The following IDE variants were observed in gnomAD, a reference collection of about 807,000 sequenced individuals.
The protein encoded by IDE is insulin degrading enzyme, also known as insulin-degrading enzyme.
Under a neutral mutation model 133.2 loss-of-function variants are expected in IDE, and 58 were observed. The ratio of observed to expected loss-of-function variants is 0.44; its 90% CI spans 0.35 to 0.54. The LOEUF (loss-of-function observed/expected upper bound fraction) is 0.54, where lower values mean the gene tolerates loss of function less well. Among genes scored for constraint, IDE ranks in the 20% least tolerant of loss-of-function variants. The pLI is 0.00. For missense variants in IDE, 981 were observed against 1,234.0 expected (o/e 0.79, Z 3.07); for synonymous variants, 396 against 421.3 (o/e 0.94, Z 0.73).
At chr10:92,536,611 T>C (rs935362165) in intron 2 of IDE, among the ~76,000 whole-genome samples, 4 of 150,242 alleles carry the variant, frequency 2.7e-5, no homozygotes, top group African/African-American at 7.4e-5. Context: ...GGTAGGAGAA[T>C]TGCTTGAACC....
chr10:92,501,605 G>A (rs1264859749), intron 11 of IDE, among the ~76,000 whole-genome samples: 7 of 151,784 alleles, frequency 4.6e-5, no homozygotes, highest in East Asian at 3.9e-4. Context: ...GGGATGTGGA[G>A]GTTGCAGTGA....
intron 4 of IDE, among the ~76,000 whole-genome samples, chr10:92,529,740 C>G (rs947710732): frequency 1.3e-5 from 2 of 151,956 alleles, no homozygotes; most frequent in African/African-American, 4.8e-5. Context: ...TTGTTTGTGA[C>G]CAGAAGTAAC....
At chr10:92,466,238 A>C (rs1436594468) in intron 19 of IDE, among the ~76,000 whole-genome samples, 2 of 151,294 alleles carry the variant, frequency 1.3e-5, no homozygotes, top group Non-Finnish European at 3.0e-5. Context: ...CTCAAAAAAA[A>C]AAAAAAAAAA....
At chr10:92,556,413 A>C (rs1257902172) in intron 1 of IDE, among the ~76,000 whole-genome samples, 1 of 152,086 alleles carries the variant, frequency 6.6e-6, no homozygotes, top group Admixed American at 6.6e-5. Context: ...ACCTGAGGTC[A>C]GGAGTTCGAG....
At chr10:92,480,421 T>C (rs1419351496) in intron 14 of IDE, 2 of 152,168 alleles carry the variant, frequency 1.3e-5, no homozygotes, top group Non-Finnish European at 2.9e-5. Flanking sequence ...AAATTTGACA[T>C]ATTAGTTGGT....
At chr10:92,564,028 T>C (rs978060029) in intron 1 of IDE, among the ~76,000 whole-genome samples, 7 of 152,166 alleles carry the variant, frequency 4.6e-5, no homozygotes, top group African/African-American at 1.7e-4. Context: ...TTTGTAGTCT[T>C]ATTCTACAAA....
chr10:92,472,503 T>C lies in IDE; in HGVS notation c.2117-2158A>G, dbSNP rs190909863. On this transcript the variant is annotated intron_variant, in intron 17 of 24. Transcript: ENST00000265986. ...AAGTGATTTTTATAATCTAGTCTCC[T>C]ATCCAATGCCTGAGGCAATCAACAA... Among the ~76,000 whole-genome samples the C allele has an allele frequency of 2.0e-5, 3 of 152,348 alleles. No homozygotes were observed. The East Asian group carries it at 5.8e-4, about 29-fold the overall frequency.
intron 13 of IDE, among the ~76,000 whole-genome samples, chr10:92,486,345 T>C (rs1248169147): frequency 6.6e-6 from 1 of 151,962 alleles, no homozygotes; most frequent in Non-Finnish European, 1.5e-5. Flanking sequence ...AACAAGACTC[T>C]GTCTCAAAAA....
intron 1 of IDE, among the ~76,000 whole-genome samples, chr10:92,563,466 A>T (rs1843376614): frequency 6.6e-6 from 1 of 151,924 alleles, no homozygotes; most frequent in Non-Finnish European, 1.5e-5. Flanking sequence ...AGAAAAAAAA[A>T]AAAAGGCTGG....
intron 24 of IDE, 60 bp downstream of exon 24, chr10:92,455,516 G>A (rs1844949603): frequency 9.5e-7 from 1 of 1,055,230 alleles, no homozygotes; most frequent in Non-Finnish European, 1.4e-6. Flanking sequence ...AAACCAAGCT[G>A]CTTCTTCTAA....
At chr10:92,512,872 T>G (rs1473151000) in intron 5 of IDE, among the ~76,000 whole-genome samples, 1 of 152,344 alleles carries the variant, frequency 6.6e-6, no homozygotes, top group East Asian at 1.9e-4. Flanking sequence ...GAGTGGCTAC[T>G]ACTGTTTATG....
chr10:92,529,599 G>C (rs976665941), intron 4 of IDE, among the ~76,000 whole-genome samples: 1 of 152,100 alleles, frequency 6.6e-6, no homozygotes, highest in Non-Finnish European at 1.5e-5. Flanking sequence ...CTTGTGGCCA[G>C]GCATGGTGGC....
At chr10:92,528,491 G>C (rs1849747624) in intron 4 of IDE, among the ~76,000 whole-genome samples, 1 of 151,330 alleles carries the variant, frequency 6.6e-6, no homozygotes, top group Non-Finnish European at 1.5e-5. Context: ...ATAAGGGAAA[G>C]TGCCAGACTA....
intron 11 of IDE, among the ~76,000 whole-genome samples, chr10:92,492,384 C>G (rs1008249863): frequency 6.6e-6 from 1 of 152,144 alleles, no homozygotes; most frequent in Non-Finnish European, 1.5e-5. Context: ...AAGTGGAACT[C>G]TAAGCCATCC....
At chr10:92,521,209 G>A (rs1175498105) in intron 4 of IDE, among the ~76,000 whole-genome samples, 1 of 152,182 alleles carries the variant, frequency 6.6e-6, no homozygotes, top group Non-Finnish European at 1.5e-5. Context: ...GTGATGCACT[G>A]AGAATCAATA....
chr10:92,479,450 C>T (rs762605156), intron 14 of IDE, 29 bp from the exon 15 acceptor site: 5 of 1,562,240 alleles, frequency 3.2e-6, no homozygotes, highest in Non-Finnish European at 4.4e-6. Context: ...AGTAAAATAG[C>T]TGATTTTATT....
At chr10:92,535,200 T>C (rs974049952) in intron 2 of IDE, among the ~76,000 whole-genome samples, 1 of 152,176 alleles carries the variant, frequency 6.6e-6, no homozygotes, top group African/African-American at 2.4e-5. Context: ...GCCTCCTGGG[T>C]TCACGCCATT....
At chr10:92,472,542 AG>A (rs1367793310) in intron 17 of IDE, among the ~76,000 whole-genome samples, 1 of 152,186 alleles carries the variant, frequency 6.6e-6, no homozygotes, top group African/African-American at 2.4e-5. Flanking sequence ...AATGACTTTC[AG>A]TACTTTGCTC....
chr10:92,532,547 C>A (rs1849998506), intron 3 of IDE, among the ~76,000 whole-genome samples: 1 of 152,018 alleles, frequency 6.6e-6, no homozygotes, highest in South Asian at 2.1e-4. Flanking sequence ...GAGAAAAAGT[C>A]CATAAAATTT....
Sources: gnomAD v4.1 joint callset for allele counts (sites outside exome capture counted in the v4.1 genomes callset) on GRCh38, gnomAD v4.1.1 for gene constraint, MANE v1.5 for transcripts, NCBI Gene and HGNC (gene_info 2026-07-23, HGNC 2026-07-21) for gene names.